CLIP2: variants seen among roughly 807,000 people sequenced by gnomAD.
The protein encoded by CLIP2 is CAP-Gly domain-containing linker protein 2.
A neutral mutation model predicts 111.7 loss-of-function variants in CLIP2; 41 were observed. The ratio of observed to expected loss-of-function variants is 0.37; its 90% CI spans 0.29 to 0.48. The LOEUF (loss-of-function observed/expected upper bound fraction) is 0.48, where lower values mean the gene tolerates loss of function less well. Among genes scored for constraint, CLIP2 ranks in the 20% least tolerant of loss-of-function variants. The pLI is 0.99. For missense variants in CLIP2, 1,160 were observed against 1,422.1 expected (o/e 0.82, Z 2.96); for synonymous variants, 660 against 644.2 (o/e 1.02, Z -0.37).
chr7:74,302,127 G>A (rs1321106686), intron 1 of CLIP2, among the ~76,000 whole-genome samples: 8 of 152,162 alleles, frequency 5.3e-5, no homozygotes, highest in African/African-American at 1.9e-4. Flanking sequence ...GCTCCCGCGA[G>A]ACAGACAGGC....
chr7:74,307,826 T>A (rs229885), intron 1 of CLIP2, among the ~76,000 whole-genome samples: 3 of 151,412 alleles, frequency 2.0e-5, no homozygotes, highest in Non-Finnish European at 4.4e-5. Flanking sequence ...TGCTGGGGGG[T>A]GGTTCAGGAG....
Position 74,289,450 on chromosome 7 carries a change from C to T in CLIP2, c.-352C>T, listed in dbSNP as rs1268791689. ...AGCCGGGCCGCTGGCTCCGCTGGCTCCGCTGGCTCCGCGGGCGCTCAGCTC... is the reference window on the plus strand; with the variant it reads ...AGCCGGGCCGCTGGCTCCGCTGGCTTCGCTGGCTCCGCGGGCGCTCAGCTC... On this transcript the variant is annotated 5_prime_UTR_variant, in exon 1 of 17. Transcript: ENST00000223398. 3 of 150,872 alleles carry T rather than the reference C, an allele frequency of 2.0e-5. No homozygotes were observed. The highest frequency in any genetic ancestry group is 7.3e-5 in the African/African-American group (3 of 41,302). 9.3% of individuals were successfully genotyped at this position (150,872 alleles called of 1,614,324 possible).
chr7:74,389,371 C>A, intron 13 of CLIP2, 112 bp downstream of exon 13: 3 of 1,161,600 alleles, frequency 2.6e-6, no homozygotes, highest in Non-Finnish European at 3.5e-6. Flanking sequence ...AGCTGGTGGG[C>A]CAGGTGGCCG....
Position 74,347,558 on chromosome 7 carries a change from G to A in CLIP2, c.679-6322G>A, listed in dbSNP as rs557034185. 2.3e-3 allele frequency among the ~76,000 whole-genome samples: 345 copies of A among 152,190 alleles called. 1 individual carries two copies. Among genetic ancestry groups the A allele is most frequent in the Admixed American group, 7.1e-3 (109 of 15,280 alleles). On this transcript the variant is annotated intron_variant, in intron 3 of 16. Coordinates refer to ENST00000223398, the MANE Select transcript of CLIP2 (RefSeq NM_003388.5). The stretch of plus-strand genomic sequence containing the variant: ...GCTGGGATTACAGGCGTGAGCCACC[G>A]CGTCCGGCCAAACGCGCTGTACTCT...
intron 2 of CLIP2, among the ~76,000 whole-genome samples, chr7:74,324,818 GA>G (rs11318033): frequency 0.62 from 59,077 of 95,186 alleles, 16,998 homozygotes; most frequent in Middle Eastern, 0.74. Context: ...AAGATCTTGA[GA>G]AAAAAAAAAA....
intron 2 of CLIP2, among the ~76,000 whole-genome samples, chr7:74,334,098 C>T (rs1789378608): frequency 6.6e-6 from 1 of 152,170 alleles, no homozygotes. Context: ...AACTGAGGCA[C>T]ACATCTGGGA....
intron 2 of CLIP2, among the ~76,000 whole-genome samples, chr7:74,324,766 G>A (rs13235269): frequency 6.8e-6 from 1 of 146,474 alleles, no homozygotes; most frequent in Non-Finnish European, 1.5e-5. Context: ...CCAAACTCCA[G>A]GAGAGAGAAA....
rs1193372178 is a variant in CLIP2, at chr7:74,389,164, G to T, written c.2625G>T (p.Arg875=). 6.2e-7 allele frequency: 1 copy of T among 1,613,628 alleles called. No individual in the cohort carries two copies. Among genetic ancestry groups the T allele is most frequent in the Non-Finnish European group, 8.5e-7 (1 of 1,179,958 alleles). ...KKVDALLKEK[R]RLEAELETVS... is the part of the protein sequence containing the mutation. ...TGGACGCCCTCCTGAAGGAGAAGCG[G>T]CGCCTGGAGGCAGAGCTGGAGACCG... is the stretch of plus-strand genomic sequence containing the variant. Residue 875 remains arginine, a synonymous_variant, in exon 13 of 17, where the codon CGG becomes CGT. Transcript: ENST00000223398.
intron 3 of CLIP2, among the ~76,000 whole-genome samples, chr7:74,342,776 G>A (rs1789692182): frequency 6.6e-6 from 1 of 152,160 alleles, no homozygotes; most frequent in Admixed American, 6.6e-5. Flanking sequence ...GGCCGGGCGC[G>A]GTGGCTCACG....
intron 3 of CLIP2, among the ~76,000 whole-genome samples, chr7:74,345,793 G>A (rs1789782996): frequency 6.6e-6 from 1 of 151,976 alleles, no homozygotes; most frequent in Non-Finnish European, 1.5e-5. Flanking sequence ...GTTGCAATGA[G>A]TTGAGATCCT....
intron 1 of CLIP2, among the ~76,000 whole-genome samples, chr7:74,310,972 C>T (rs1240337054): frequency 7.2e-6 from 1 of 138,760 alleles, no homozygotes; most frequent in Non-Finnish European, 1.6e-5. Flanking sequence ...GCCTCGAGCT[C>T]CTATTTTTAA....
chr7:74,383,695 C>G (rs1313998616), intron 11 of CLIP2, among the ~76,000 whole-genome samples: 1 of 152,168 alleles, frequency 6.6e-6, no homozygotes, highest in Admixed American at 6.6e-5. Context: ...TTCTCATGGG[C>G]TGGATTTGGT....
At position 74,385,846 on chromosome 7, in the gene CLIP2, G is replaced by A. The variant is rs528654993; in HGVS notation, c.2480-675G>A. ...CAACCTCTGCCTCCCAAGTTCAAGC[G>A]ATTCTCCTGCCTCAACCTCCCAAGT... On this transcript the variant is annotated intron_variant, in intron 11 of 16. Coordinates refer to ENST00000223398, the MANE Select transcript of CLIP2 (RefSeq NM_003388.5). 5.7e-4 allele frequency among the ~76,000 whole-genome samples: 85 copies of A among 149,656 alleles called. 1 individual carries two copies. The highest frequency in any genetic ancestry group is 8.4e-4 in the Non-Finnish European group (57 of 67,688).
chr7:74,387,022 CAAA>C (rs35422612), intron 12 of CLIP2, among the ~76,000 whole-genome samples: 32 of 70,052 alleles, frequency 4.6e-4, no homozygotes, highest in Non-Finnish European at 5.8e-4. Context: ...GACTCCATCT[CAAA>C]AAAAAAAAAA....
chr7:74,380,716 G>C, intron 10 of CLIP2, 90 bp from the exon 11 acceptor site: 1 of 1,062,770 alleles, frequency 9.4e-7, no homozygotes, highest in Non-Finnish European at 1.4e-6. Flanking sequence ...GGAGTAGGGT[G>C]TGCAAACTGC....
rs1288920746 is a variant in CLIP2 at position 74,331,718 on chromosome 7, T to C, written c.122-6730T>C. 7.9e-5 allele frequency among the ~76,000 whole-genome samples: 12 copies of C among 151,294 alleles called. No individual in the cohort carries two copies. In the East Asian group the frequency reaches 2.1e-3, roughly 27 times the overall value. On this transcript the variant is annotated intron_variant, in intron 2 of 16. Coordinates refer to ENST00000223398, the MANE Select transcript of CLIP2 (RefSeq NM_003388.5). ...CCTCCTGAGTAGCTGGGACTTTAGA[T>C]GCCTGCCACCACACCCAGCTAATTT...
intron 2 of CLIP2, among the ~76,000 whole-genome samples, chr7:74,336,033 C>G (rs1427670627): frequency 6.6e-6 from 1 of 151,334 alleles, no homozygotes; most frequent in African/African-American, 2.4e-5. Context: ...TAAGCCACTG[C>G]GCCTGGCCTC....
intron 1 of CLIP2, among the ~76,000 whole-genome samples, chr7:74,304,022 T>C (rs1454721123): frequency 6.6e-6 from 1 of 151,206 alleles, no homozygotes; most frequent in African/African-American, 2.4e-5. Flanking sequence ...CAAGCAATCC[T>C]CCCACCTTAG....
intron 3 of CLIP2, among the ~76,000 whole-genome samples, chr7:74,348,377 TG>T (rs1237561286): frequency 4.6e-5 from 7 of 152,176 alleles, no homozygotes; most frequent in African/African-American, 1.7e-4. Context: ...TCATTGTGGC[TG>T]GGTGACGTGG....
Sources: allele counts gnomAD v4.1 joint callset (sites outside exome capture counted in the v4.1 genomes callset), GRCh38; gene constraint gnomAD v4.1.1; transcripts MANE v1.5; gene names NCBI Gene and HGNC (gene_info 2026-07-23, HGNC 2026-07-21).